CDC42SE2: variants seen among roughly 807,000 people sequenced by gnomAD.
The protein encoded by CDC42SE2 is CDC42 small effector protein 2.
A neutral mutation model predicts 11.5 loss-of-function variants in CDC42SE2; 3 were observed. The observed-to-expected ratio is 0.26, with a 90% CI of 0.12 to 0.67. The LOEUF is 0.67. CDC42SE2 is among the 30% of genes least tolerant of loss of function. The probability of loss-of-function intolerance (pLI) is 0.80; values close to 1 mark genes in which losing one functional copy is unlikely to be tolerated. For synonymous variants in CDC42SE2, 33 were observed against 34.8 expected, an observed-to-expected ratio of 0.95 and a Z score of 0.18; for missense variants, 82 against 106.8, an observed-to-expected ratio of 0.77 and a Z score of 1.02.
chr5:131,308,249 A>G (rs558249717), intron 1 of CDC42SE2, among the ~76,000 whole-genome samples: 78 of 152,178 alleles, frequency 5.1e-4, no homozygotes, highest in African/African-American at 1.8e-3. Context: ...AAGATCAGAT[A>G]GTTGTAGATA....
chr5:131,371,038 T>C (rs946175930), intron 3 of CDC42SE2, among the ~76,000 whole-genome samples: 11 of 152,210 alleles, frequency 7.2e-5, no homozygotes, highest in Non-Finnish European at 1.5e-4. Flanking sequence ...AAAAATAAAA[T>C]GTTTTTGCTG....
chr5:131,383,008 A>AC (rs768195508), intron 3 of CDC42SE2, among the ~76,000 whole-genome samples: 2 of 152,242 alleles, frequency 1.3e-5, no homozygotes, highest in Non-Finnish European at 2.9e-5. Flanking sequence ...TTTAAGGCTA[A>AC]TTCATAGAAT....
intron 2 of CDC42SE2, among the ~76,000 whole-genome samples, chr5:131,347,418 C>T (rs143645402): frequency 0.07 from 10,689 of 152,032 alleles, 1,015 homozygotes; most frequent in African/African-American, 0.22. Flanking sequence ...ATAAATTACT[C>T]GACACATACA....
chr5:131,339,017 G>A (rs779720850), intron 2 of CDC42SE2, among the ~76,000 whole-genome samples: 2 of 152,036 alleles, frequency 1.3e-5, no homozygotes, highest in Admixed American at 6.6e-5. Flanking sequence ...GGAGACCGAG[G>A]CGGGTGGATC....
At chr5:131,279,264 A>G (rs1757183681) in intron 1 of CDC42SE2, among the ~76,000 whole-genome samples, 1 of 152,130 alleles carries the variant, frequency 6.6e-6, no homozygotes, top group Non-Finnish European at 1.5e-5. Context: ...TGCTATTTAT[A>G]TGTTTGTATA....
At position 131,394,359 on chromosome 5, in the gene CDC42SE2, T is replaced by TTTAG. The variant is rs1483599039; in HGVS notation, c.*3272_*3275dup. ...GTAAGCGTAGAGCGGAAATGTTGAC[T>TTTAG]TTAGTTAACATTGGGTTTAGCATTT... is the stretch of plus-strand genomic sequence containing the variant. On this transcript the variant is annotated 3_prime_UTR_variant, in exon 5 of 5. Transcript: ENST00000505065. The TTTAG allele has an allele frequency of 6.6e-6, 1 of 152,348 alleles. No individual in the cohort carries two copies. The allele number at this position is 152,348 out of a possible 1,614,324, so 9.4% of individuals were successfully genotyped here. A position where few individuals can be genotyped will look rare whatever the true frequency, so the allele number is the denominator to read the frequency against.
At chr5:131,335,457 G>C (rs909183031) in intron 2 of CDC42SE2, among the ~76,000 whole-genome samples, 54 of 152,326 alleles carry the variant, frequency 3.5e-4, no homozygotes, top group South Asian at 1.2e-3. Context: ...ATTTGGGGTG[G>C]AGAGTTCTGT....
the CDC42SE2 span, among the ~76,000 whole-genome samples, chr5:131,214,175 C>G: frequency 1.3e-5 from 2 of 152,200 alleles, no homozygotes; most frequent in African/African-American, 4.8e-5. Context: ...AAAGAAATAA[C>G]CAGGTATGAA....
chr5:131,338,363 T>G (rs1436353125), intron 2 of CDC42SE2, among the ~76,000 whole-genome samples: 1 of 152,186 alleles, frequency 6.6e-6, no homozygotes, highest in African/African-American at 2.4e-5. Flanking sequence ...ACTCTAGTTT[T>G]GTATTGTTTT....
At chr5:131,239,156 T>C in the CDC42SE2 span, among the ~76,000 whole-genome samples, 1 of 149,256 alleles carries the variant, frequency 6.7e-6, no homozygotes, top group African/African-American at 2.5e-5. Flanking sequence ...ACAGACTCTG[T>C]CTCAAAAAAA....
intron 1 of CDC42SE2, among the ~76,000 whole-genome samples, chr5:131,252,268 C>A (rs1218759286): frequency 6.6e-6 from 1 of 152,160 alleles, no homozygotes; most frequent in African/African-American, 2.4e-5. Flanking sequence ...TATATTTGAA[C>A]TTTACTCTTA....
intron 3 of CDC42SE2, among the ~76,000 whole-genome samples, chr5:131,377,266 T>C (rs143120257): frequency 6.6e-6 from 1 of 152,076 alleles, no homozygotes; most frequent in African/African-American, 2.4e-5. Flanking sequence ...CCTCCCGGGT[T>C]CAAACGATTA....
In CDC42SE2 at chr5:131,393,147, G is replaced by A. The variant is rs569526186; in HGVS notation, c.*2056G>A. On this transcript the variant is annotated 3_prime_UTR_variant, in exon 5 of 5. Coordinates refer to ENST00000505065, the MANE Select transcript of CDC42SE2 (RefSeq NM_001375635.1). ...AAGCCTATCTAACTACATTTGGTAG[G>A]ATTAACATTTCATATAACAAATGGG... The A allele has an allele frequency of 6.6e-6, 1 of 152,294 alleles. No homozygotes were observed. Among genetic ancestry groups the A allele is most frequent in the Non-Finnish European group, 1.5e-5 (1 of 68,032 alleles). The allele number at this position is 152,294 out of a possible 1,614,324, so 9.4% of individuals were successfully genotyped here.
At chr5:131,215,825 T>G in the CDC42SE2 span, among the ~76,000 whole-genome samples, 1 of 152,248 alleles carries the variant, frequency 6.6e-6, no homozygotes, top group African/African-American at 2.4e-5. Flanking sequence ...ATTAAAGAAT[T>G]AACTACTTAA....
At chr5:131,235,052 C>A in the CDC42SE2 span, among the ~76,000 whole-genome samples, 1 of 151,826 alleles carries the variant, frequency 6.6e-6, no homozygotes, top group East Asian at 2.0e-4. Context: ...CCACACCTGG[C>A]TAAATTTTTT....
intron 2 of CDC42SE2, among the ~76,000 whole-genome samples, chr5:131,357,899 AG>A (rs1219745821): frequency 6.6e-6 from 1 of 152,194 alleles, no homozygotes; most frequent in Admixed American, 6.5e-5. Flanking sequence ...GCACAGTCTA[AG>A]GAATAGTCCT....
intron 2 of CDC42SE2, among the ~76,000 whole-genome samples, chr5:131,335,386 A>T (rs1490101859): frequency 1.3e-5 from 2 of 152,126 alleles, no homozygotes; most frequent in Non-Finnish European, 2.9e-5. Context: ...TTTACTTCCA[A>T]GTATGTGGTC....
At chr5:131,348,127 G>C (rs1443841534) in intron 2 of CDC42SE2, among the ~76,000 whole-genome samples, 2 of 152,178 alleles carry the variant, frequency 1.3e-5, no homozygotes, top group South Asian at 2.1e-4. Context: ...TCAACATAGT[G>C]TTGGAAGTTC....
At chr5:131,390,058 T>TATCA (rs758967674) in intron 4 of CDC42SE2, among the ~76,000 whole-genome samples, 4 of 152,244 alleles carry the variant, frequency 2.6e-5, no homozygotes, top group South Asian at 2.1e-4. Context: ...TCTTGCACTC[T>TATCA]ATCAGGAAAC....
Sources: gnomAD v4.1 joint callset for allele counts (sites outside exome capture counted in the v4.1 genomes callset) on GRCh38, gnomAD v4.1.1 for gene constraint, MANE v1.5 for transcripts, NCBI Gene and HGNC (gene_info 2026-07-23, HGNC 2026-07-21) for gene names.